Variants in SOX5 observed in about 807,000 individuals in gnomAD.
SOX5 encodes transcription factor SOX-5.
A neutral mutation model predicts 92.0 loss-of-function variants in SOX5; 9 were observed. That is an observed-to-expected ratio of 0.10 (90% CI 0.06 to 0.17). The LOEUF (loss-of-function observed/expected upper bound fraction) is 0.17, where lower values mean the gene tolerates loss of function less well. Ranked by LOEUF, SOX5 falls within the 10% of genes least tolerant of loss-of-function variation. The pLI, the probability that SOX5 is intolerant of heterozygous loss-of-function variation, is 1.00. For synonymous variants in SOX5, 344 were observed against 336.3 expected, an observed-to-expected ratio of 1.02 and a Z score of -0.25; for missense variants, 642 against 944.5, an observed-to-expected ratio of 0.68 and a Z score of 4.20.
chr12:23,843,201 C>T (rs930331241), intron 3 of SOX5, among the ~76,000 whole-genome samples: 2 of 135,162 alleles, frequency 1.5e-5, no homozygotes, highest in African/African-American at 5.0e-5. Context: ...GAGAAGCTGT[C>T]ACAGCCAAAA....
chr12:23,840,271 A>C (rs1429968552), intron 3 of SOX5, among the ~76,000 whole-genome samples: 2 of 152,148 alleles, frequency 1.3e-5, no homozygotes, highest in Non-Finnish European at 2.9e-5. Context: ...GTAGGTATAA[A>C]TGTAACAAAG....
intron 4 of SOX5, among the ~76,000 whole-genome samples, chr12:24,124,288 A>G (rs1448871794): frequency 6.6e-6 from 1 of 152,200 alleles, no homozygotes; most frequent in Non-Finnish European, 1.5e-5. Flanking sequence ...GCTGTATACC[A>G]TCTGCATAGA....
intron 1 of SOX5, among the ~76,000 whole-genome samples, chr12:23,903,811 T>C (rs2097262650): frequency 6.6e-6 from 1 of 152,186 alleles, no homozygotes; most frequent in Non-Finnish European, 1.5e-5. Context: ...GGCTAATCAA[T>C]ATTAGGAATT....
chr12:24,447,110 C>T (rs910591754), intron 1 of SOX5, among the ~76,000 whole-genome samples: 1 of 152,192 alleles, frequency 6.6e-6, no homozygotes, highest in Non-Finnish European at 1.5e-5. Context: ...ACTCCCCAGT[C>T]AAGAAGGTGG....
intron 1 of SOX5, among the ~76,000 whole-genome samples, chr12:23,933,558 A>G (rs530799460): frequency 6.6e-6 from 1 of 151,796 alleles, no homozygotes; most frequent in East Asian, 1.9e-4. Flanking sequence ...TTTTAGGATG[A>G]CTTTCAAAAT....
At chr12:24,333,473 A>T (rs1323750905) in intron 2 of SOX5, among the ~76,000 whole-genome samples, 2 of 152,080 alleles carry the variant, frequency 1.3e-5, no homozygotes, top group African/African-American at 4.8e-5. Flanking sequence ...TTTATCCACT[A>T]ATCTTAAGGA....
chr12:24,081,952 T>C (rs540030093), intron 4 of SOX5, among the ~76,000 whole-genome samples: 3 of 152,120 alleles, frequency 2.0e-5, no homozygotes, highest in Non-Finnish European at 2.9e-5. Flanking sequence ...CTATTCTTCC[T>C]GGTTTGCCAA....
chr12:23,591,826 A>G (rs951659047), intron 9 of SOX5, among the ~76,000 whole-genome samples: 3 of 152,296 alleles, frequency 2.0e-5, no homozygotes, highest in East Asian at 1.9e-4. Flanking sequence ...TTCTTAAAAC[A>G]TACTTCACAA....
intron 4 of SOX5, among the ~76,000 whole-genome samples, chr12:24,068,916 C>T (rs1941335581): frequency 1.3e-5 from 2 of 150,656 alleles, no homozygotes; most frequent in South Asian, 2.1e-4. Flanking sequence ...AGAGTTGGAG[C>T]CTCAAATACA....
intron 3 of SOX5, among the ~76,000 whole-genome samples, chr12:24,261,790 A>G (rs1190463202): frequency 1.3e-5 from 2 of 152,136 alleles, no homozygotes; most frequent in East Asian, 1.9e-4. Flanking sequence ...GCTCCACTCA[A>G]ATACCATCGT....
At chr12:24,133,864 A>G (rs541236698) in intron 4 of SOX5, among the ~76,000 whole-genome samples, 3 of 152,308 alleles carry the variant, frequency 2.0e-5, no homozygotes, top group Admixed American at 6.5e-5. Flanking sequence ...AATGATTAGA[A>G]TCACATTCTG....
At chr12:24,293,581 G>C (rs16927425) in intron 2 of SOX5, among the ~76,000 whole-genome samples, 12,209 of 151,740 alleles carry the variant, frequency 0.08, 791 homozygotes, top group African/African-American at 0.18. Flanking sequence ...TGGTTATGCA[G>C]TTTATAAAAA....
At chr12:23,959,770 T>G (rs1162857780) in intron 4 of SOX5, among the ~76,000 whole-genome samples, 1 of 152,150 alleles carries the variant, frequency 6.6e-6, no homozygotes, top group East Asian at 1.9e-4. Flanking sequence ...TGTCCTTAAA[T>G]AAGATGAAAG....
chr12:24,345,955 A>G (rs1953178393), intron 2 of SOX5, among the ~76,000 whole-genome samples: 1 of 152,156 alleles, frequency 6.6e-6, no homozygotes. Context: ...ACTACACATT[A>G]GTGTCAACAA....
intron 4 of SOX5, among the ~76,000 whole-genome samples, chr12:24,140,185 G>A (rs369638400): frequency 5.3e-5 from 8 of 152,152 alleles, no homozygotes; most frequent in Middle Eastern, 3.4e-3. Flanking sequence ...AATGCTGACC[G>A]GTTGGCATTT....
At chr12:23,905,826 G>T (rs1311911014) in intron 1 of SOX5, among the ~76,000 whole-genome samples, 1 of 152,076 alleles carries the variant, frequency 6.6e-6, no homozygotes. Flanking sequence ...TTACAAGAAA[G>T]AGTATGGTAA....
At chr12:24,466,129 G>T (rs1944208095) in intron 1 of SOX5, among the ~76,000 whole-genome samples, 1 of 152,102 alleles carries the variant, frequency 6.6e-6, no homozygotes, top group African/African-American at 2.4e-5. Context: ...AAAAGAGGGA[G>T]AATGAAGAAT....
At chr12:23,577,191 A>ATATATATATT (rs71059907) in intron 9 of SOX5, among the ~76,000 whole-genome samples, 692 of 61,326 alleles carry the variant, frequency 0.011, 9 homozygotes, top group Non-Finnish European at 0.019. Context: ...ATATATATAT[A>ATATATATATT]TTTTTTTTTT....
intron 4 of SOX5, among the ~76,000 whole-genome samples, chr12:24,104,067 T>A (rs1946396516): frequency 6.6e-6 from 1 of 152,224 alleles, no homozygotes. Context: ...CTATTTATTT[T>A]AAAAATTTAA....
Sources: allele counts gnomAD v4.1 joint callset (sites outside exome capture counted in the v4.1 genomes callset), GRCh38; gene constraint gnomAD v4.1.1; transcripts MANE v1.5; gene names NCBI Gene and HGNC (gene_info 2026-07-23, HGNC 2026-07-21).